The following RIPOR3 variants were observed in gnomAD, a reference collection of about 807,000 sequenced individuals.
The protein encoded by RIPOR3 is family with sequence similarity 65 member C.
Under a neutral mutation model 114.3 loss-of-function variants are expected in RIPOR3, and 95 were observed. That is an observed-to-expected ratio of 0.83 (90% CI 0.70 to 0.99). RIPOR3 has a LOEUF of 0.99. RIPOR3 is among the 50% of genes least tolerant of loss of function. The probability of loss-of-function intolerance (pLI) is 0.00; values close to 1 mark genes in which losing one functional copy is unlikely to be tolerated. For synonymous variants in RIPOR3, 575 were observed against 543.8 expected (o/e 1.06, Z -0.80); for missense variants, 1,252 against 1,266.9 (o/e 0.99, Z 0.18).
In RIPOR3 at chr20:50,642,786, C is replaced by A. The variant is rs140541753; in HGVS notation, c.4-11930G>T. ...ATCAGAGGCCAGGTGCTGTGGCTCA[C>A]GCCTGTAACCCCAGCACTTTGGGAG... On this transcript the variant is annotated intron_variant, in intron 1 of 21. Transcript: ENST00000327979. 4.6e-3 allele frequency among the ~76,000 whole-genome samples: 692 copies of A among 152,084 alleles called. 8 individuals carry two copies. The highest frequency in any genetic ancestry group is 0.016 in the African/African-American group (668 of 41,496).
rs1568816491 is a variant in RIPOR3 at position 50,592,504 on chromosome 20, A to AC, written c.2416dup (p.Val806GlyfsTer85). The AC allele has an allele frequency of 6.2e-7, 1 of 1,608,924 alleles. No homozygotes were observed. Among genetic ancestry groups the AC allele is most frequent in the Non-Finnish European group, 8.5e-7 (1 of 1,177,496 alleles). ...CCGCTTCCCCTGCAGCTTCCGGACC[A>AC]CCTTGGCCTGTCCCGCACAGTGAAG... On this transcript the variant is annotated frameshift_variant, in exon 19 of 22. Coordinates refer to ENST00000327979, the MANE Select transcript of RIPOR3 (RefSeq NM_001290268.2). LOFTEE classifies it high-confidence loss of function.
chr20:50,660,749 CTTTTTT>C lies in RIPOR3; in HGVS notation c.4-29899_4-29894del, dbSNP rs58201824. Among the ~76,000 whole-genome samples the C allele has an allele frequency of 2.0e-4, 17 of 83,278 alleles. No homozygotes were observed. The East Asian group carries it at 5.4e-3, about 26-fold the overall frequency. 54.6% of individuals were successfully genotyped at this position (83,278 alleles called of 152,430 possible). On this transcript the variant is annotated intron_variant, in intron 1 of 21. Coordinates refer to ENST00000327979, the MANE Select transcript of RIPOR3 (RefSeq NM_001290268.2). ...TGTCATTGGGTTTTCTGGGATTTAC[CTTTTTT>C]TTTTTTTTTTTTTTTTTGAGACAGG... is the stretch of plus-strand genomic sequence containing the variant.
rs1003462118 is a variant in RIPOR3 at position 50,602,113 on chromosome 20, C to T, written c.1618G>A (p.Glu540Lys). 2.5e-6 allele frequency: 4 copies of T among 1,602,574 alleles called. No homozygotes were observed. Among genetic ancestry groups the T allele is most frequent in the Middle Eastern group, 1.7e-4 (1 of 5,934 alleles). ...PTDSTQPQLRELEYQVLGFRD... is the reference protein window; with the variant it reads ...PTDSTQPQLRKLEYQVLGFRD... ...AAGCCGAGGACCTGGTACTCCAGCT[C>T]CCGGAGCTGGGGCTGGGTGGAGTCC... Residue 540 changes from glutamate to lysine, a missense_variant, in exon 13 of 22, where the codon GAG becomes AAG. Transcript: ENST00000327979. The surrounding 1 kb of genome is among the most constrained non-coding windows in gnomAD (Gnocchi z 4.3).
At chr20:50,598,706 A>C (rs943709575) in intron 13 of RIPOR3, among the ~76,000 whole-genome samples, 1 of 152,162 alleles carries the variant, frequency 6.6e-6, no homozygotes, top group Non-Finnish European at 1.5e-5. Flanking sequence ...GGAGTTCAAG[A>C]CCAGCCTGGC....
At chr20:50,657,961 C>T (rs1387486756) in intron 1 of RIPOR3, among the ~76,000 whole-genome samples, 2 of 151,548 alleles carry the variant, frequency 1.3e-5, no homozygotes, top group Admixed American at 6.6e-5. Context: ...AACAGGGCCT[C>T]GGTATATTGC....
chr20:50,594,477 G>T, intron 17 of RIPOR3, 76 bp downstream of exon 17: 2 of 1,526,786 alleles, frequency 1.3e-6, no homozygotes, highest in Non-Finnish European at 1.8e-6. Flanking sequence ...GAGGCCAGCT[G>T]TGGCCACCCT....
intron 1 of RIPOR3, chr20:50,636,995 C>A: frequency 1.2e-6 from 1 of 821,220 alleles, no homozygotes; most frequent in Non-Finnish European, 1.5e-6. Flanking sequence ...TAGGAGTTTC[C>A]AAAATAGCTC....
At chr20:50,677,116 C>T (rs1446882170) in intron 1 of RIPOR3, among the ~76,000 whole-genome samples, 2 of 152,316 alleles carry the variant, frequency 1.3e-5, no homozygotes, top group East Asian at 1.9e-4. Context: ...TTAGCACCCT[C>T]ATTTGCTAGA....
Position 50,587,323 on chromosome 20 carries a change from C to A in RIPOR3, c.2762G>T (p.Gly921Val), listed in dbSNP as rs2082951344. Residue 921 changes from glycine (G) to valine (V), a missense_variant, in exon 22 of 22, where the codon GGA becomes GTA. Physicochemically the swap from Gly to Val is moderately radical, Grantham distance 109 (BLOSUM62 -3). Transcript: ENST00000327979. ...GTCCATCTTCTCAAAAGCTAACCGT[C>A]CTTTTTCACCTGAAATAGCAAAGGG... ...RETTLSFGEK[G>V]RLAFEKMDKL... The A allele has an allele frequency of 6.2e-7, 1 of 1,613,904 alleles. No individual in the cohort carries two copies. The highest frequency in any genetic ancestry group is 8.5e-7 in the Non-Finnish European group (1 of 1,180,024).
chr20:50,589,137 C>CA (rs1437962277), intron 20 of RIPOR3, among the ~76,000 whole-genome samples: 2 of 137,568 alleles, frequency 1.5e-5, no homozygotes, highest in East Asian at 4.2e-4. Flanking sequence ...CAGTCTAACA[C>CA]AAAATGTTCT....
chr20:50,643,400 G>A (rs1447562474), intron 1 of RIPOR3, among the ~76,000 whole-genome samples: 1 of 149,706 alleles, frequency 6.7e-6, no homozygotes, highest in East Asian at 2.1e-4. Flanking sequence ...GCCTCCCAAA[G>A]TGTGGGGATT....
intron 2 of RIPOR3, among the ~76,000 whole-genome samples, chr20:50,628,610 C>A (rs538900092): frequency 3.0e-4 from 46 of 152,312 alleles, no homozygotes; most frequent in Non-Finnish European, 4.3e-4. Context: ...TGCCCTCCCC[C>A]ACCCCCAGTT....
At chr20:50,688,202 G>A (rs1480535920) in intron 1 of RIPOR3, among the ~76,000 whole-genome samples, 3 of 152,094 alleles carry the variant, frequency 2.0e-5, no homozygotes, top group East Asian at 3.9e-4. Flanking sequence ...CCAGGCTGGA[G>A]TGCAATGGTG....
At chr20:50,593,515 G>T (rs547566314) in intron 17 of RIPOR3, among the ~76,000 whole-genome samples, 1 of 152,192 alleles carries the variant, frequency 6.6e-6, no homozygotes, top group East Asian at 1.9e-4. Flanking sequence ...AGGTTGTAGT[G>T]AGCCAAGATT....
chr20:50,632,332 G>A (rs1008189354), intron 1 of RIPOR3, among the ~76,000 whole-genome samples: 33 of 152,210 alleles, frequency 2.2e-4, no homozygotes, highest in Non-Finnish European at 3.8e-4. Context: ...GGAGACTGCT[G>A]GAAGGACCAA....
chr20:50,610,985 ACAGGTCCTAACT>A, intron 5 of RIPOR3, 79 bp from the exon 6 acceptor site: 2 of 1,601,010 alleles, frequency 1.2e-6, no homozygotes, highest in East Asian at 4.5e-5. Context: ...CCACCCTCCT[ACAGGTCCTAACT>A]CAGAGAATGG....
chr20:50,627,206 A>G (rs917502558), intron 2 of RIPOR3, among the ~76,000 whole-genome samples: 1 of 151,200 alleles, frequency 6.6e-6, no homozygotes, highest in African/African-American at 2.4e-5. Flanking sequence ...TTGTATTAAG[A>G]ATTTCTATTT....
rs760424781 is a variant in RIPOR3, at chr20:50,602,433, G to A, written c.1298C>T (p.Pro433Leu). The A allele has an allele frequency of 3.1e-6, 5 of 1,595,998 alleles. No homozygotes were observed. The highest frequency in any genetic ancestry group is 4.3e-6 in the Non-Finnish European group (5 of 1,169,772). The change falls in exon 13 of 22, where the codon CCC becomes CTC. Residue 433 changes from proline (P) to leucine (L), a missense_variant. Physicochemically the swap from Pro to Leu is moderately conservative, Grantham distance 98. Coordinates refer to ENST00000327979, the MANE Select transcript of RIPOR3 (RefSeq NM_001290268.2). This position sits in a 1 kb window ranked among gnomAD's most constrained non-coding sequence, Gnocchi z 4.3. ...SASTSDVGFL[P>L]LTFGPHASIE... ...GGAGGCGTGGGGACCGAAGGTCAAG[G>A]GCAGGAAGCCCACATCTGAGGTGGA...
chr20:50,609,920 G>T (rs536261346), intron 6 of RIPOR3, among the ~76,000 whole-genome samples, 198 bp from the exon 7 acceptor site: 20 of 151,746 alleles, frequency 1.3e-4, no homozygotes, highest in African/African-American at 4.8e-4. Flanking sequence ...ACCCCCATAG[G>T]CAGGGACCAC....
Sources: gnomAD v4.1 joint callset for allele counts (sites outside exome capture counted in the v4.1 genomes callset) on GRCh38, gnomAD v4.1.1 for gene constraint, Gnocchi (gnomAD v3.1) non-coding constraint, MANE v1.5 for transcripts, NCBI Gene and HGNC (gene_info 2026-07-23, HGNC 2026-07-21) for gene names.